Variants in HM13 observed in about 807,000 individuals in gnomAD.
HM13 encodes the protein signal peptide peptidase.
A neutral mutation model predicts 50.0 loss-of-function variants in HM13; 18 were observed. That is an observed-to-expected ratio of 0.36 (90% CI 0.25 to 0.53). HM13 has a LOEUF of 0.53. Among genes scored for constraint, HM13 ranks in the 20% least tolerant of loss-of-function variants. The probability of loss-of-function intolerance (pLI) is 0.90; values close to 1 mark genes in which losing one functional copy is unlikely to be tolerated. For missense variants in HM13, 393 were observed against 552.4 expected, an observed-to-expected ratio of 0.71 and a Z score of 2.89; for synonymous variants, 197 against 232.6, an observed-to-expected ratio of 0.85 and a Z score of 1.39.
intron 7 of HM13, among the ~76,000 whole-genome samples, chr20:31,552,462 A>T (rs907885596): frequency 2.0e-5 from 3 of 151,996 alleles, no homozygotes; most frequent in Non-Finnish European, 4.4e-5. Context: ...CCACTGGAAG[A>T]CTCCGAGCAG....
chr20:31,545,073 G>A lies in HM13; in HGVS notation c.454+38G>A, dbSNP rs529140118. Reference sequence around the variant, plus strand: ...CACTTTCCCCTGTAGTGTGCCTTGGGTGTCTTCCTCCACCATTCCCTTTGT... The same window carrying A: ...CACTTTCCCCTGTAGTGTGCCTTGGATGTCTTCCTCCACCATTCCCTTTGT... On this transcript the variant is annotated intron_variant, in intron 4 of 12. Coordinates refer to ENST00000398174, the MANE Select transcript of HM13 (RefSeq NM_178581.3). 2.1e-5 allele frequency: 32 copies of A among 1,499,580 alleles called. No individual in the cohort carries two copies. The East Asian group carries it at 4.5e-4, about 21-fold the overall frequency. The allele number at this position is 1,499,580 out of a possible 1,614,324, so 92.9% of individuals were successfully genotyped here.
chr20:31,516,483 T>A (rs989001706), intron 1 of HM13, among the ~76,000 whole-genome samples: 1 of 152,166 alleles, frequency 6.6e-6, no homozygotes, highest in Non-Finnish European at 1.5e-5. Context: ...CAAGCAATGC[T>A]ACAAGGTTTA....
At chr20:31,561,877 G>A in intron 10 of HM13, 141 bp downstream of exon 10, 1 of 682,116 alleles carries the variant, frequency 1.5e-6, no homozygotes, top group Non-Finnish European at 2.6e-6. Context: ...TGATTCTCTT[G>A]GCCTTCCATT....
Position 31,526,821 on chromosome 20 carries a change from G to C in HM13, c.184-663G>C, listed in dbSNP as rs532235624. On this transcript the variant is annotated intron_variant, in intron 1 of 12. Transcript: ENST00000398174. ...AACTCATAATATTCATTACCTACTG[G>C]ATGACAGAATAGTCATTTTTCCCTC... Among the ~76,000 whole-genome samples, 4 of 152,298 alleles carry C rather than the reference G, an allele frequency of 2.6e-5. No homozygotes were observed. In the East Asian group the frequency reaches 7.7e-4, roughly 29 times the overall value.
chr20:31,518,831 G>T (rs1433885710), intron 1 of HM13, among the ~76,000 whole-genome samples: 1 of 151,932 alleles, frequency 6.6e-6, no homozygotes, highest in South Asian at 2.1e-4. Flanking sequence ...GGGCAACAGT[G>T]AGACCCTGTC....
intron 4 of HM13, 72 bp downstream of exon 4, chr20:31,545,107 T>C (rs1983638849): frequency 8.2e-7 from 1 of 1,219,942 alleles, no homozygotes; most frequent in African/African-American, 1.5e-5. Context: ...GTCTCTCCAA[T>C]ATTGGGGTTC....
intron 2 of HM13, among the ~76,000 whole-genome samples, chr20:31,531,598 ATTGTT>A (rs1268160939): frequency 1.3e-5 from 2 of 151,228 alleles, no homozygotes; most frequent in East Asian, 3.9e-4. Context: ...TGTTGTTGTT[ATTGTT>A]TTGTTTTGTT....
chr20:31,563,080 C>T (rs988777092), intron 10 of HM13: 1 of 152,356 alleles, frequency 6.6e-6, no homozygotes, highest in African/African-American at 2.4e-5. Flanking sequence ...CAGGAGTCCT[C>T]TCCTTTATCG....
At chr20:31,566,882 C>T (rs1483082359) in intron 11 of HM13, among the ~76,000 whole-genome samples, 1 of 152,148 alleles carries the variant, frequency 6.6e-6, no homozygotes, top group Non-Finnish European at 1.5e-5. Context: ...GCAAGGCCTG[C>T]GTGACTCCAA....
At chr20:31,551,014 A>G (rs1984010718) in intron 7 of HM13, among the ~76,000 whole-genome samples, 1 of 152,212 alleles carries the variant, frequency 6.6e-6, no homozygotes, top group Admixed American at 6.5e-5. Flanking sequence ...ATGTGTGTGT[A>G]CATATATAAA....
chr20:31,548,099 C>A, intron 4 of HM13: 2 of 1,196,740 alleles, frequency 1.7e-6, no homozygotes, highest in Non-Finnish European at 2.5e-6. Flanking sequence ...TTGATTGTGT[C>A]GTATGTGTGT....
At chr20:31,546,853 T>C (rs1294393175) in intron 4 of HM13, among the ~76,000 whole-genome samples, 1 of 151,060 alleles carries the variant, frequency 6.6e-6, no homozygotes, top group Non-Finnish European at 1.5e-5. Context: ...ACTTGAGCCC[T>C]GGAGTTCGAG....
rs1372274002 is a variant in HM13 at position 31,514,515 on chromosome 20, A to G, written c.-37A>G. On this transcript the variant is annotated 5_prime_UTR_variant, in exon 1 of 13. Transcript: ENST00000398174. The surrounding 1 kb of genome is among the most constrained non-coding windows in gnomAD (Gnocchi z 4.3). ...CTCCGCCTGCGTCCCTGCTGCAGCA[A>G]CCGGAGCTGGAGTCGGATCCCGAAC... 6.3e-7 allele frequency: 1 copy of G among 1,586,052 alleles called. No individual in the cohort carries two copies. Among genetic ancestry groups the G allele is most frequent in the Non-Finnish European group, 8.6e-7 (1 of 1,168,334 alleles).
intron 1 of HM13, among the ~76,000 whole-genome samples, chr20:31,517,677 G>C (rs1365631649): frequency 6.6e-6 from 1 of 152,190 alleles, no homozygotes; most frequent in Non-Finnish European, 1.5e-5. Flanking sequence ...TGTGTTCAGG[G>C]AGGCAGTGAA....
intron 10 of HM13, chr20:31,562,626 C>T (rs1053308475): frequency 2.6e-5 from 4 of 152,238 alleles, no homozygotes; most frequent in Non-Finnish European, 4.4e-5. Context: ...TTTCCCCTTC[C>T]CCAGGGCCCA....
intron 11 of HM13, among the ~76,000 whole-genome samples, chr20:31,566,930 A>T (rs1334106882): frequency 1.8e-4 from 28 of 152,018 alleles, no homozygotes; most frequent in Non-Finnish European, 4.4e-5. Flanking sequence ...CCTGCCTGCC[A>T]GGGACCTAGA....
At chr20:31,531,394 C>T (rs1349918289) in intron 2 of HM13, among the ~76,000 whole-genome samples, 5 of 146,522 alleles carry the variant, frequency 3.4e-5, no homozygotes, top group African/African-American at 5.0e-5. Context: ...CATTTTGGAT[C>T]GGAATTTTTT....
intron 1 of HM13, among the ~76,000 whole-genome samples, chr20:31,516,938 G>A (rs1306323806): frequency 6.6e-6 from 1 of 152,226 alleles, no homozygotes; most frequent in Non-Finnish European, 1.5e-5. Flanking sequence ...GAAACTGAGA[G>A]TCAAAGAAAT....
At chr20:31,554,564 T>G (rs1984204516) in intron 7 of HM13, 182 bp from the exon 8 acceptor site, 4 of 539,226 alleles carry the variant, frequency 7.4e-6, no homozygotes, top group South Asian at 6.2e-5. Context: ...CGCCTGTAGT[T>G]CCAGCTACTT....
Sources: gnomAD v4.1 joint callset for allele counts (sites outside exome capture counted in the v4.1 genomes callset) on GRCh38, gnomAD v4.1.1 for gene constraint, Gnocchi (gnomAD v3.1) non-coding constraint, MANE v1.5 for transcripts, NCBI Gene and HGNC (gene_info 2026-07-23, HGNC 2026-07-21) for gene names.